Variants in SRP9 observed in about 807,000 individuals in gnomAD.
SRP9 encodes signal recognition particle 9, also known as signal recognition particle 9 kDa protein.
In SRP9, 2 loss-of-function variants were observed where a neutral mutation model predicts 11.7. The ratio of observed to expected loss-of-function variants is 0.17; its 90% CI spans 0.07 to 0.54. The LOEUF (loss-of-function observed/expected upper bound fraction) is 0.54, where lower values mean the gene tolerates loss of function less well. SRP9 is among the 20% of genes least tolerant of loss of function. The probability of loss-of-function intolerance (pLI) is 0.94; values close to 1 mark genes in which losing one functional copy is unlikely to be tolerated. For missense variants in SRP9, 54 were observed against 108.1 expected, an observed-to-expected ratio of 0.50 and a Z score of 2.22; for synonymous variants, 27 against 35.6, an observed-to-expected ratio of 0.76 and a Z score of 0.86.
chr1:225,778,408 G>A (rs1471282092), intron 1 of SRP9, among the ~76,000 whole-genome samples: 1 of 152,186 alleles, frequency 6.6e-6, no homozygotes, highest in Non-Finnish European at 1.5e-5. Flanking sequence ...TAAAACTGAT[G>A]ATGTTTTTTC....
chr1:225,780,301 C>G (rs1203019720), intron 1 of SRP9, among the ~76,000 whole-genome samples: 1 of 151,166 alleles, frequency 6.6e-6, no homozygotes, highest in Middle Eastern at 3.2e-3. Context: ...GGATTACAGA[C>G]ACAAGCCATG....
chr1:225,781,654 C>T (rs1189997012), intron 1 of SRP9, among the ~76,000 whole-genome samples: 1 of 152,090 alleles, frequency 6.6e-6, no homozygotes, highest in Non-Finnish European at 1.5e-5. Flanking sequence ...TCCTGCCCTC[C>T]CAAAGTGCTG....
chr1:225,783,222 C>G, intron 1 of SRP9, 78 bp from the exon 2 acceptor site: 1 of 1,135,464 alleles, frequency 8.8e-7, no homozygotes, highest in Non-Finnish European at 1.3e-6. Context: ...GGATCCTTTT[C>G]AGCCTACCTG....
intron 1 of SRP9, among the ~76,000 whole-genome samples, chr1:225,781,395 CTTTTT>C (rs11315558): frequency 1.6e-3 from 141 of 87,824 alleles, no homozygotes; most frequent in African/African-American, 5.4e-3. Flanking sequence ...TTTTCTTTTT[CTTTTT>C]TTTTTTTTTT....
intron 2 of SRP9, among the ~76,000 whole-genome samples, chr1:225,788,426 T>A (rs2102652826): frequency 6.6e-6 from 1 of 151,396 alleles, no homozygotes; most frequent in Non-Finnish European, 1.5e-5. Context: ...TTTTTTTTTT[T>A]TTTTTTTTGA....
chr1:225,783,267 T>C, intron 1 of SRP9, 33 bp from the exon 2 acceptor site: 1 of 1,532,924 alleles, frequency 6.5e-7, no homozygotes, highest in Non-Finnish European at 9.0e-7. Flanking sequence ...GTCATTTGTC[T>C]TCACTGTTTC....
chr1:225,784,376 A>G (rs539323469), intron 2 of SRP9, among the ~76,000 whole-genome samples: 5 of 149,524 alleles, frequency 3.3e-5, no homozygotes, highest in African/African-American at 1.2e-4. Flanking sequence ...CCTCCCGAGT[A>G]GCTGGGACTA....
intron 1 of SRP9, among the ~76,000 whole-genome samples, chr1:225,780,928 T>C (rs1426490073): frequency 6.6e-6 from 1 of 152,242 alleles, no homozygotes; most frequent in Admixed American, 6.5e-5. Flanking sequence ...AAAACAAAAG[T>C]TGAATTCTTC....
chr1:225,781,995 C>G (rs192569894), intron 1 of SRP9, among the ~76,000 whole-genome samples: 94 of 151,704 alleles, frequency 6.2e-4, no homozygotes, highest in African/African-American at 2.1e-3. Flanking sequence ...TTTTCAGTCT[C>G]AGGAATGCAA....
In SRP9 at chr1:225,790,086, A is replaced by C. The variant is rs1665997625; in HGVS notation, c.*727A>C. On this transcript the variant is annotated 3_prime_UTR_variant, in exon 3 of 3. Transcript: ENST00000304786. Reference sequence around the variant, plus strand: ...TGCTATAATGTACTGAAACCACCATATTACAGAAATATTTACTACATATTT... The same window carrying C: ...TGCTATAATGTACTGAAACCACCATCTTACAGAAATATTTACTACATATTT... The C allele has an allele frequency of 6.6e-6, 1 of 152,190 alleles. No homozygotes were observed. Among genetic ancestry groups the C allele is most frequent in the Non-Finnish European group, 1.5e-5 (1 of 68,032 alleles). 9.4% of individuals were successfully genotyped at this position (152,190 alleles called of 1,614,324 possible). A position where few individuals can be genotyped will look rare whatever the true frequency, so the allele number is the denominator to read the frequency against.
intron 2 of SRP9, chr1:225,789,008 G>T: frequency 6.5e-7 from 1 of 1,550,018 alleles, no homozygotes; most frequent in South Asian, 1.2e-5. Context: ...GCTTCTAATA[G>T]ACTTCATTCA....
At chr1:225,780,577 A>G (rs988965420) in intron 1 of SRP9, among the ~76,000 whole-genome samples, 3 of 152,216 alleles carry the variant, frequency 2.0e-5, no homozygotes, top group Non-Finnish European at 4.4e-5. Flanking sequence ...ACAGCAACCC[A>G]TCAAAGTATA....
At chr1:225,788,398 C>G (rs1665958561) in intron 2 of SRP9, among the ~76,000 whole-genome samples, 1 of 151,114 alleles carries the variant, frequency 6.6e-6, no homozygotes, top group East Asian at 2.0e-4. Context: ...AAAATACATA[C>G]CTTCAGCAAA....
chr1:225,780,759 C>T (rs765408085), intron 1 of SRP9, among the ~76,000 whole-genome samples: 8 of 152,098 alleles, frequency 5.3e-5, no homozygotes, highest in Non-Finnish European at 8.8e-5. Flanking sequence ...GTCTTCTCTC[C>T]GCAACACATT....
At chr1:225,784,841 C>CA (rs1489343019) in intron 2 of SRP9, among the ~76,000 whole-genome samples, 4 of 151,840 alleles carry the variant, frequency 2.6e-5, no homozygotes, top group African/African-American at 4.8e-5. Flanking sequence ...GACTCCATCT[C>CA]AAAAAAACAA....
rs774642971 is a variant in SRP9 at position 225,777,890 on chromosome 1, G to A, written c.-51G>A. On this transcript the variant is annotated 5_prime_UTR_variant, in exon 1 of 3. Transcript: ENST00000304786. ...GACTCCCGGACGTAGGTAGTTTGTT[G>A]GGCCGGGTTCTGAGGCCTTGCTTCT... is the stretch of plus-strand genomic sequence containing the variant. 12 of 1,550,796 alleles carry A rather than the reference G, an allele frequency of 7.7e-6. No individual in the cohort carries two copies. The South Asian group carries it at 9.0e-5, about 12-fold the overall frequency.
intron 1 of SRP9, among the ~76,000 whole-genome samples, chr1:225,780,089 TC>T (rs534445197): frequency 3.3e-4 from 50 of 151,794 alleles, no homozygotes; most frequent in African/African-American, 1.2e-3. Flanking sequence ...AAATCACAGT[TC>T]GCTGCACCAT....
rs1346643362 is a variant in SRP9, at chr1:225,790,368, G to C, written c.*1009G>C. 1 of 152,202 alleles carries C rather than the reference G, an allele frequency of 6.6e-6. No individual in the cohort carries two copies. Among genetic ancestry groups the C allele is most frequent in the Non-Finnish European group, 1.5e-5 (1 of 68,044 alleles). The allele number at this position is 152,202 out of a possible 1,614,324, so 9.4% of individuals were successfully genotyped here. A position where few individuals can be genotyped will look rare whatever the true frequency, so the allele number is the denominator to read the frequency against. On this transcript the variant is annotated 3_prime_UTR_variant, in exon 3 of 3. Coordinates refer to ENST00000304786, the MANE Select transcript of SRP9 (RefSeq NM_003133.6). Reference sequence around the variant, plus strand: ...ATTGAAATATGTTTTGTATAAATTTGTCATGTTGAACAGCATTTTAGCATG... The same window carrying C: ...ATTGAAATATGTTTTGTATAAATTTCTCATGTTGAACAGCATTTTAGCATG...
chr1:225,779,211 C>T (rs1238420934), intron 1 of SRP9, among the ~76,000 whole-genome samples: 2 of 150,584 alleles, frequency 1.3e-5, no homozygotes, highest in African/African-American at 4.9e-5. Flanking sequence ...ATGGCTCAAT[C>T]TCAGCTCGCT....
Sources: gnomAD v4.1 joint callset for allele counts (sites outside exome capture counted in the v4.1 genomes callset) on GRCh38, gnomAD v4.1.1 for gene constraint, MANE v1.5 for transcripts, NCBI Gene and HGNC (gene_info 2026-07-23, HGNC 2026-07-21) for gene names.